HUNK: variants seen among roughly 807,000 people sequenced by gnomAD.
HUNK encodes hormonally up-regulated neu tumor-associated kinase.
HUNK carries 21 observed loss-of-function variants against 61.0 expected under a neutral mutation model. The observed-to-expected ratio is 0.34, with a 90% CI of 0.24 to 0.50. HUNK has a LOEUF of 0.50. HUNK is among the 20% of genes least tolerant of loss of function. The pLI is 0.98. For synonymous variants in HUNK, 371 were observed against 386.1 expected (o/e 0.96, Z 0.46); for missense variants, 772 against 945.7 (o/e 0.82, Z 2.41).
At chr21:31,902,178 T>G (rs560437668) in intron 1 of HUNK, among the ~76,000 whole-genome samples, 1 of 152,140 alleles carries the variant, frequency 6.6e-6, no homozygotes, top group Non-Finnish European at 1.5e-5. Context: ...TTATTTCCCC[T>G]TTTTACAGAG....
intron 2 of HUNK, among the ~76,000 whole-genome samples, chr21:31,938,157 C>T (rs1027589511): frequency 2.6e-5 from 4 of 152,190 alleles, no homozygotes; most frequent in African/African-American, 4.8e-5. Flanking sequence ...TCCTGCCCTT[C>T]CTGTGACAAC....
Position 31,998,734 on chromosome 21 carries a change from G to A in HUNK, c.1695G>A (p.Val565=), listed in dbSNP as rs1271064525. The A allele has an allele frequency of 6.2e-7, 1 of 1,614,002 alleles. No individual in the cohort carries two copies. The highest frequency in any genetic ancestry group is 8.5e-7 in the Non-Finnish European group (1 of 1,180,028). ...ACATGGTGCGCTCCTTCGAGTCTGT[G>A]GATCGCGACGACCACGTAGAAGTGC... ...MLDMVRSFES[V]DRDDHVEVLS... The change falls in exon 11 of 11, where the codon GTG becomes GTA. Residue 565 remains valine, a synonymous_variant. Coordinates refer to ENST00000270112, the MANE Select transcript of HUNK (RefSeq NM_014586.2).
intron 5 of HUNK, among the ~76,000 whole-genome samples, chr21:31,966,459 A>G (rs2052966936): frequency 6.6e-6 from 1 of 152,188 alleles, no homozygotes; most frequent in South Asian, 2.1e-4. Flanking sequence ...GAGACTACCC[A>G]CTATTGAAAG....
chr21:31,918,121 A>AT (rs1027711776), intron 1 of HUNK, among the ~76,000 whole-genome samples: 3 of 151,634 alleles, frequency 2.0e-5, no homozygotes, highest in South Asian at 2.1e-4. Flanking sequence ...TTTCCCATTC[A>AT]TTTTTTTTCC....
At chr21:31,904,320 T>C (rs1409710200) in intron 1 of HUNK, among the ~76,000 whole-genome samples, 1 of 152,120 alleles carries the variant, frequency 6.6e-6, no homozygotes, top group Non-Finnish European at 1.5e-5. Flanking sequence ...AGAAACTACA[T>C]TTATCTGATG....
intron 2 of HUNK, among the ~76,000 whole-genome samples, chr21:31,933,325 T>G (rs2052711133): frequency 6.6e-6 from 1 of 152,246 alleles, no homozygotes. Flanking sequence ...CCAGGGCCAT[T>G]CTCTTCTCCT....
At chr21:31,892,180 T>TATATATATAG (rs1457688299) in intron 1 of HUNK, among the ~76,000 whole-genome samples, 4 of 109,712 alleles carry the variant, frequency 3.6e-5, no homozygotes, top group African/African-American at 1.4e-4. Flanking sequence ...TATATATATA[T>TATATATATAG]AGAGAGAGAG....
At chr21:31,926,308 C>T (rs532823042) in intron 2 of HUNK, among the ~76,000 whole-genome samples, 4 of 152,202 alleles carry the variant, frequency 2.6e-5, no homozygotes, top group Non-Finnish European at 4.4e-5. Context: ...CATGCACACA[C>T]GTGTGCACAT....
Position 31,902,839 on chromosome 21 carries a change from A to AT in HUNK, c.262-21625dup, listed in dbSNP as rs1349165779. Among the ~76,000 whole-genome samples, 10 of 152,210 alleles carry AT rather than the reference A, an allele frequency of 6.6e-5. 1 individual carries two copies. In the East Asian group the frequency reaches 1.9e-3, roughly 29 times the overall value. The stretch of plus-strand genomic sequence containing the variant: ...GACAGTTGCCTACATTTATTTATTG[A>AT]TTTTCTAGACCATGGAGATCCGCCC... On this transcript the variant is annotated intron_variant, in intron 1 of 10. Coordinates refer to ENST00000270112, the MANE Select transcript of HUNK (RefSeq NM_014586.2).
At chr21:31,976,260 A>C (rs989861313) in intron 7 of HUNK, among the ~76,000 whole-genome samples, 5 of 152,124 alleles carry the variant, frequency 3.3e-5, no homozygotes, top group African/African-American at 1.2e-4. Flanking sequence ...ACTGGAGAAG[A>C]GATGTCAAAT....
chr21:31,912,547 T>TC (rs1263980674), intron 1 of HUNK, among the ~76,000 whole-genome samples: 2 of 152,130 alleles, frequency 1.3e-5, no homozygotes, highest in Admixed American at 6.5e-5. Context: ...GGGACATTTC[T>TC]CTTTTTTTGT....
intron 8 of HUNK, among the ~76,000 whole-genome samples, chr21:31,986,942 A>G (rs1301666881): frequency 6.6e-6 from 1 of 152,082 alleles, no homozygotes; most frequent in Non-Finnish European, 1.5e-5. Flanking sequence ...GGGTTGTTTG[A>G]TTAACATCTC....
At chr21:31,922,398 C>G (rs2009194) in intron 1 of HUNK, among the ~76,000 whole-genome samples, 2 of 151,356 alleles carry the variant, frequency 1.3e-5, no homozygotes, top group African/African-American at 4.9e-5. Flanking sequence ...ACAATCTTGG[C>G]TCACTGCAAC....
chr21:31,976,459 C>CTTTTTTT (rs34950116), intron 7 of HUNK, among the ~76,000 whole-genome samples: 33 of 63,618 alleles, frequency 5.2e-4, no homozygotes, highest in Non-Finnish European at 5.8e-4. Flanking sequence ...TTTTTTGAGA[C>CTTTTTTT]TTTTTTTTTT....
chr21:31,966,652 G>C (rs1333684171), intron 5 of HUNK, among the ~76,000 whole-genome samples: 1 of 152,176 alleles, frequency 6.6e-6, no homozygotes, highest in Non-Finnish European at 1.5e-5. Context: ...TTGACAAAAG[G>C]CTCAGCATTT....
intron 3 of HUNK, among the ~76,000 whole-genome samples, chr21:31,945,637 C>T (rs2123830895): frequency 6.6e-6 from 1 of 152,314 alleles, no homozygotes; most frequent in Middle Eastern, 3.4e-3. Context: ...ATCTTTTCCC[C>T]ACTTGGCAGC....
intron 5 of HUNK, among the ~76,000 whole-genome samples, chr21:31,965,634 C>T (rs1205680201): frequency 1.5e-5 from 2 of 135,316 alleles, no homozygotes; most frequent in East Asian, 2.2e-4. Flanking sequence ...CGGATTCTCT[C>T]TCTCTTACCC....
Position 31,968,350 on chromosome 21 carries a change from G to A in HUNK, c.975G>A (p.Thr325=), listed in dbSNP as rs373918879. 155 of 1,614,074 alleles carry A rather than the reference G, an allele frequency of 9.6e-5. No individual in the cohort carries two copies. The highest frequency in any genetic ancestry group is 1.6e-4 in the Middle Eastern group (1 of 6,084). Residue 325 remains threonine, a synonymous_variant, in exon 6 of 11, where the codon ACG becomes ACA. Coordinates refer to ENST00000270112, the MANE Select transcript of HUNK (RefSeq NM_014586.2). ...ATCGCTGGCTTAATGAGAATTACACGGGCAAAGTGCCCTGTAATGTCACCT... is the reference window on the plus strand; with the variant it reads ...ATCGCTGGCTTAATGAGAATTACACAGGCAAAGTGCCCTGTAATGTCACCT... ...LANRWLNENY[T]GKVPCNVTYP... is the part of the protein sequence containing the mutation.
At chr21:31,910,949 C>A (rs1253628604) in intron 1 of HUNK, among the ~76,000 whole-genome samples, 4 of 152,220 alleles carry the variant, frequency 2.6e-5, no homozygotes, top group Non-Finnish European at 1.5e-5. Flanking sequence ...TGGCATGCGG[C>A]AAATTCAAGT....
Sources: gnomAD v4.1 joint callset for allele counts (sites outside exome capture counted in the v4.1 genomes callset) on GRCh38, gnomAD v4.1.1 for gene constraint, MANE v1.5 for transcripts, NCBI Gene and HGNC (gene_info 2026-07-23, HGNC 2026-07-21) for gene names.